Variants in SYNE2 observed in about 807,000 individuals in gnomAD.
SYNE2 encodes spectrin repeat containing nuclear envelope protein 2, also known as nesprin-2.
A neutral mutation model predicts 856.3 loss-of-function variants in SYNE2; 431 were observed. That is an observed-to-expected ratio of 0.50 (90% CI 0.47 to 0.55). The LOEUF is 0.55. SYNE2 is among the 20% of genes least tolerant of loss of function. The pLI, the probability that SYNE2 is intolerant of heterozygous loss-of-function variation, is 0.00. For synonymous variants in SYNE2, 2,923 were observed against 2,872.3 expected (o/e 1.02, Z -0.56); for missense variants, 8,129 against 8,023.2 (o/e 1.01, Z -0.50).
At chr14:64,149,990 GCTTTTTTTTTTCTTTT>G (rs2098224750) in intron 84 of SYNE2, among the ~76,000 whole-genome samples, 1 of 144,984 alleles carries the variant, frequency 6.9e-6, no homozygotes, top group South Asian at 2.2e-4. Flanking sequence ...TATTGCCATG[GCTTTTTTTTTTCTTTT>G]CTTTTTTTTT....
At chr14:63,788,149 A>G (rs901807902) in intron 1 of SYNE2, among the ~76,000 whole-genome samples, 1 of 152,088 alleles carries the variant, frequency 6.6e-6, no homozygotes, top group Non-Finnish European at 1.5e-5. Context: ...CTCATCCCCA[A>G]TCCCTGCTTT....
At chr14:64,125,833 A>G (rs2097939772) in intron 71 of SYNE2, among the ~76,000 whole-genome samples, 1 of 152,056 alleles carries the variant, frequency 6.6e-6, no homozygotes, top group Non-Finnish European at 1.5e-5. Flanking sequence ...CATAAATGAC[A>G]CTTTCCCCCT....
At chr14:64,024,745 C>T (rs192367298) in intron 39 of SYNE2, among the ~76,000 whole-genome samples, 167 bp from the exon 40 acceptor site, 132 of 152,282 alleles carry the variant, frequency 8.7e-4, no homozygotes, top group African/African-American at 3.1e-3. Flanking sequence ...ACCCCGCTAT[C>T]ATACAGGCTG....
chr14:63,997,281 C>G lies in SYNE2; in HGVS notation c.3153-20C>G. ...TTTTTCTTACCCTCTTTTAAACATGCAATTTTGATTCCTTTCTAGGGGGAC... is the reference window on the plus strand; with the variant it reads ...TTTTTCTTACCCTCTTTTAAACATGGAATTTTGATTCCTTTCTAGGGGGAC... On this transcript the variant is annotated intron_variant, in intron 24 of 115. Coordinates refer to ENST00000555002, the MANE Select transcript of SYNE2 (RefSeq NM_182914.3). 2 of 1,606,312 alleles carry G rather than the reference C, an allele frequency of 1.2e-6. No homozygotes were observed. The highest frequency in any genetic ancestry group is 1.7e-6 in the Non-Finnish European group (2 of 1,174,128).
chr14:63,959,451 C>T (rs2096282292), intron 8 of SYNE2, among the ~76,000 whole-genome samples: 1 of 151,806 alleles, frequency 6.6e-6, no homozygotes, highest in East Asian at 1.9e-4. Flanking sequence ...GCATGTGCAA[C>T]CACGCATGGC....
In SYNE2 at chr14:63,855,945, T is replaced by G. The variant is rs76742778; in HGVS notation, c.-52+2802T>G. Reference sequence around the variant, plus strand: ...CTCCTAGAATACTGGTGAGAAGGCCTCTAGGTGGAAGTGACATTTAACTGA... The same window carrying G: ...CTCCTAGAATACTGGTGAGAAGGCCGCTAGGTGGAAGTGACATTTAACTGA... On this transcript the variant is annotated intron_variant, in intron 1 of 115. Coordinates refer to ENST00000555002, the MANE Select transcript of SYNE2 (RefSeq NM_182914.3). Among the ~76,000 whole-genome samples, 4 of 152,228 alleles carry G rather than the reference T, an allele frequency of 2.6e-5. No individual in the cohort carries two copies. In the East Asian group the frequency reaches 7.7e-4, roughly 29 times the overall value.
At position 64,186,497 on chromosome 14, in the gene SYNE2, G is replaced by A. The variant is rs746459100; in HGVS notation, c.17630G>A (p.Arg5877Gln). Residue 5877 changes from arginine to glutamine, a missense_variant, in exon 97 of 116, where the codon CGG (arginine) becomes CAG (glutamine). Physicochemically the swap from Arg to Gln is conservative, Grantham distance 43 (BLOSUM62 1). Around this residue, in one of 3 missense-constraint regions of SYNE2, gnomAD observed 5,410 missense variants for 5,284.8 expected, o/e 1.02. Transcript: ENST00000555002. ...CAAACTATGAAGGCGGACTTAACCC[G>A]GCACGTTCTCGTGGAAGATGTGATG... ...ELQTMKADLT[R>Q]HVLVEDVMVL... The A allele has an allele frequency of 1.9e-5, 31 of 1,614,082 alleles. 1 individual carries two copies. The African/African-American group carries it at 2.5e-4, about 13-fold the overall frequency.
At chr14:63,875,097 G>A (rs1168561691) in intron 1 of SYNE2, among the ~76,000 whole-genome samples, 1 of 151,858 alleles carries the variant, frequency 6.6e-6, no homozygotes, top group Non-Finnish European at 1.5e-5. Context: ...GAGTGCAGTG[G>A]CTACTCACAG....
At chr14:63,951,032 A>G (rs966344282) in intron 7 of SYNE2, among the ~76,000 whole-genome samples, 2 of 151,988 alleles carry the variant, frequency 1.3e-5, no homozygotes, top group African/African-American at 4.8e-5. Flanking sequence ...TTAAACAAAG[A>G]AAAATGTTTT....
intron 1 of SYNE2, among the ~76,000 whole-genome samples, chr14:63,841,059 G>A (rs1328938619): frequency 2.0e-5 from 3 of 151,992 alleles, no homozygotes; most frequent in Non-Finnish European, 4.4e-5. Context: ...GTGGAAAGGA[G>A]ACATCACCCC....
rs2153580605 is a variant in SYNE2, at chr14:64,056,132, G to A, written c.9933G>A (p.Gln3311=). ...EELESTVAHI[Q]DLTEKLGMIS... ...TGGAATCCACAGTAGCACACATCCA[G>A]GACCTCACTGAGAAACTGGGAATGA... The change falls in exon 49 of 116, where the codon CAG becomes CAA. Residue 3311 remains glutamine, a synonymous_variant. Transcript: ENST00000555002. 6.2e-7 allele frequency: 1 copy of A among 1,614,092 alleles called. No homozygotes were observed. Among genetic ancestry groups the A allele is most frequent in the African/African-American group, 1.3e-5 (1 of 75,020 alleles).
intron 96 of SYNE2, among the ~76,000 whole-genome samples, chr14:64,184,329 G>GTTGTGTGTGT (rs2098477436): frequency 6.9e-6 from 1 of 144,164 alleles, no homozygotes; most frequent in Non-Finnish European, 1.5e-5. Context: ...TATGCATAGG[G>GTTGTGTGTGT]GTGTGTGTGT....
intron 1 of SYNE2, among the ~76,000 whole-genome samples, chr14:63,842,000 T>A (rs569403032): frequency 6.1e-5 from 9 of 148,368 alleles, no homozygotes; most frequent in Admixed American, 1.3e-4. Context: ...GCCCGGCTAA[T>A]TTTTTTTGTA....
intron 1 of SYNE2, among the ~76,000 whole-genome samples, chr14:63,778,259 C>A (rs1202013700): frequency 6.6e-6 from 1 of 152,106 alleles, no homozygotes; most frequent in African/African-American, 2.4e-5. Context: ...GTAAGATGTG[C>A]CTGCTTCCCC....
intron 1 of SYNE2, among the ~76,000 whole-genome samples, chr14:63,902,331 A>G (rs2095348106): frequency 6.8e-6 from 1 of 147,470 alleles, no homozygotes; most frequent in South Asian, 2.2e-4. Flanking sequence ...GAATCACTGG[A>G]ACCCGGGAAG....
intron 12 of SYNE2, among the ~76,000 whole-genome samples, chr14:63,977,198 A>T (rs1224917661): frequency 6.6e-6 from 1 of 152,142 alleles, no homozygotes; most frequent in Non-Finnish European, 1.5e-5. Context: ...AAATGTTCAG[A>T]TTTAAAACAT....
intron 1 of SYNE2, among the ~76,000 whole-genome samples, chr14:63,829,146 C>G (rs1201304447): frequency 2.0e-5 from 3 of 152,024 alleles, no homozygotes; most frequent in African/African-American, 7.2e-5. Flanking sequence ...GGCATGGTAG[C>G]TCACACTTGT....
rs1247857994 is a variant in SYNE2 at position 63,814,968 on chromosome 14, AT to A, written c.-304-37532del. On this transcript the variant is annotated intron_variant, in intron 1 of 23. Transcript: ENST00000674003. Reference sequence around the variant, plus strand: ...TATCTATCCATATATATCCATATATATCTATCCATATATATCCATATATACA... The same window carrying A: ...TATCTATCCATATATATCCATATATACTATCCATATATATCCATATATACA... Among the ~76,000 whole-genome samples the A allele has an allele frequency of 5.1e-3, 527 of 102,940 alleles. 1 individual carries two copies. The highest frequency in any genetic ancestry group is 9.7e-3 in the East Asian group (36 of 3,726). 67.5% of individuals were successfully genotyped at this position (102,940 alleles called of 152,430 possible).
At chr14:64,219,658 C>T in intron 110 of SYNE2, among the ~76,000 whole-genome samples, 1 of 152,104 alleles carries the variant, frequency 6.6e-6, no homozygotes, top group East Asian at 1.9e-4. Flanking sequence ...GCTCAGATCT[C>T]CAGAGATGGA....
Sources: gnomAD v4.1 joint callset for allele counts (sites outside exome capture counted in the v4.1 genomes callset) on GRCh38, gnomAD v4.1.1 for gene constraint, gnomAD v4.1.1 regional missense constraint, MANE v1.5 for transcripts, NCBI Gene and HGNC (gene_info 2026-07-23, HGNC 2026-07-21) for gene names.